ARMH4: variants seen among roughly 807,000 people sequenced by gnomAD.
The protein encoded by ARMH4 is armadillo-like helical domain-containing protein 4.
In ARMH4, 49 loss-of-function variants were observed where a neutral mutation model predicts 61.9. That is an observed-to-expected ratio of 0.79 (90% CI 0.63 to 1.00). ARMH4 has a LOEUF of 1.00. Ranked by LOEUF, ARMH4 falls within the 50% of genes least tolerant of loss-of-function variation. The pLI is 0.00. For missense variants in ARMH4, 934 were observed against 930.0 expected (o/e 1.00, Z -0.06); for synonymous variants, 368 against 341.5 (o/e 1.08, Z -0.85).
chr14:58,101,715 T>C (rs1885983004), intron 4 of ARMH4: 1 of 152,026 alleles, frequency 6.6e-6, no homozygotes. Flanking sequence ...CCCTGCCCGG[T>C]AGCATGATAG....
At chr14:58,084,237 T>C (rs74057627) in intron 5 of ARMH4, among the ~76,000 whole-genome samples, 49 of 152,238 alleles carry the variant, frequency 3.2e-4, no homozygotes, top group African/African-American at 1.1e-3. Flanking sequence ...ATTTTCCCCA[T>C]GGTTTGCCCC....
At chr14:58,068,589 A>G (rs1884780187) in intron 5 of ARMH4, among the ~76,000 whole-genome samples, 1 of 152,208 alleles carries the variant, frequency 6.6e-6, no homozygotes. Flanking sequence ...AGACAGTGAC[A>G]AGATACATTC....
intron 5 of ARMH4, 141 bp downstream of exon 5, chr14:58,096,583 C>G: frequency 1.2e-6 from 1 of 862,204 alleles, no homozygotes; most frequent in Non-Finnish European, 1.7e-6. Flanking sequence ...ATATTCTTAA[C>G]CACCCATAAA....
At chr14:58,016,606 C>T (rs747975303) in intron 5 of ARMH4, among the ~76,000 whole-genome samples, 68 of 152,274 alleles carry the variant, frequency 4.5e-4, no homozygotes, top group South Asian at 1.5e-3. Flanking sequence ...ATTCCATAAA[C>T]CTTTGCAAAC....
chr14:58,126,339 T>A (rs576497614), intron 4 of ARMH4, among the ~76,000 whole-genome samples: 2 of 152,228 alleles, frequency 1.3e-5, no homozygotes, highest in East Asian at 3.9e-4. Flanking sequence ...CTCCTGAAAT[T>A]CCCGTTATCA....
chr14:58,015,629 G>A (rs756321423), intron 5 of ARMH4, among the ~76,000 whole-genome samples: 18 of 151,658 alleles, frequency 1.2e-4, no homozygotes, highest in Non-Finnish European at 2.1e-4. Flanking sequence ...AACAGTTTTC[G>A]GTAAAACATT....
intron 5 of ARMH4, among the ~76,000 whole-genome samples, chr14:58,043,509 G>C (rs1350117999): frequency 6.6e-6 from 1 of 152,150 alleles, no homozygotes; most frequent in Non-Finnish European, 1.5e-5. Context: ...TACTGAATGG[G>C]CAAAAACTGG....
intron 4 of ARMH4, among the ~76,000 whole-genome samples, chr14:58,112,197 T>A (rs1886374856): frequency 6.6e-6 from 1 of 152,152 alleles, no homozygotes; most frequent in South Asian, 2.1e-4. Context: ...CTGGCTAACA[T>A]CATAATTAGC....
rs200368563 is a variant in ARMH4, at chr14:58,138,892, G to C, written c.467C>G (p.Thr156Ser). The stretch of plus-strand genomic sequence containing the variant: ...AAGGAGTTCCTCCTTTTCATCAACA[G>C]TCAGAGAAGGAGTCGCAGTGATAGC... The part of the protein sequence containing the change: ...TIAITATPSL[T>S]VDEKEELLTS... Residue 156 changes from threonine (T) to serine (S), a missense_variant, in exon 2 of 8, where the codon ACT becomes AGT. Physicochemically the swap from Thr to Ser is moderately conservative, Grantham distance 58 (BLOSUM62 1). Transcript: ENST00000267485. 7.4e-5 allele frequency: 120 copies of C among 1,614,046 alleles called. 1 individual carries two copies. The highest frequency in any genetic ancestry group is 1.6e-5 in the Non-Finnish European group (19 of 1,180,050).
At chr14:58,087,211 C>T (rs72716904) in intron 5 of ARMH4, among the ~76,000 whole-genome samples, 407 of 152,304 alleles carry the variant, frequency 2.7e-3, no homozygotes, top group Middle Eastern at 0.01. Flanking sequence ...TCAAAAATAA[C>T]TTCAGCTTCC....
Position 58,112,776 on chromosome 14 carries a change from A to C in ARMH4, c.1832-15795T>G, listed in dbSNP as rs116043765. Among the ~76,000 whole-genome samples, 918 of 152,232 alleles carry C rather than the reference A, an allele frequency of 6.0e-3. 11 individuals are homozygous for C. The highest frequency in any genetic ancestry group is 0.021 in the African/African-American group (856 of 41,552). On this transcript the variant is annotated intron_variant, in intron 4 of 7. Coordinates refer to ENST00000267485, the MANE Select transcript of ARMH4 (RefSeq NM_001001872.4). Reference sequence around the variant, plus strand: ...TCTAGGTTATTCGTTAATTTCTCTTAATTCATTAAAGAGATTCTCCTGTCT... The same window carrying C: ...TCTAGGTTATTCGTTAATTTCTCTTCATTCATTAAAGAGATTCTCCTGTCT...
At chr14:58,137,180 G>A (rs1044378604) in intron 2 of ARMH4, among the ~76,000 whole-genome samples, 2 of 152,034 alleles carry the variant, frequency 1.3e-5, no homozygotes, top group South Asian at 2.1e-4. Context: ...CAACCTCAGC[G>A]CTATTAACAT....
chr14:58,031,679 A>C (rs1177808810), intron 5 of ARMH4, among the ~76,000 whole-genome samples: 1 of 152,212 alleles, frequency 6.6e-6, no homozygotes, highest in Non-Finnish European at 1.5e-5. Context: ...GGCTTCCAAA[A>C]TTGTAATGCA....
At chr14:58,027,352 T>G (rs1883056641) in intron 5 of ARMH4, among the ~76,000 whole-genome samples, 1 of 152,190 alleles carries the variant, frequency 6.6e-6, no homozygotes. Flanking sequence ...CTTGTAACCC[T>G]GAGTTGGTAA....
intron 2 of ARMH4, among the ~76,000 whole-genome samples, chr14:58,136,126 T>C (rs557629942): frequency 9.3e-4 from 141 of 152,316 alleles, no homozygotes; most frequent in African/African-American, 2.9e-3. Context: ...GTTCCTACTA[T>C]GTGCCAGGAA....
intron 5 of ARMH4, among the ~76,000 whole-genome samples, chr14:58,041,398 A>C (rs1335428256): frequency 6.6e-6 from 1 of 152,188 alleles, no homozygotes; most frequent in African/African-American, 2.4e-5. Flanking sequence ...AAATGCTGAG[A>C]GATTTTCTCA....
intron 3 of ARMH4, 21 bp downstream of exon 3, chr14:58,133,069 C>T: frequency 6.2e-7 from 1 of 1,613,294 alleles, no homozygotes; most frequent in Non-Finnish European, 8.5e-7. Flanking sequence ...AAAACAGAGT[C>T]CAATATCCTC....
chr14:58,067,141 T>C (rs1174506748), intron 5 of ARMH4, among the ~76,000 whole-genome samples: 1 of 152,248 alleles, frequency 6.6e-6, no homozygotes, highest in Non-Finnish European at 1.5e-5. Flanking sequence ...CTTCATCTTT[T>C]ATCTGCTTTG....
chr14:58,012,206 G>T, intron 5 of ARMH4, 56 bp from the exon 6 acceptor site: 1 of 1,040,236 alleles, frequency 9.6e-7, no homozygotes. Flanking sequence ...TATAATTCAT[G>T]GCATTAAGTT....
Sources: gnomAD v4.1 joint callset for allele counts (sites outside exome capture counted in the v4.1 genomes callset) on GRCh38, gnomAD v4.1.1 for gene constraint, MANE v1.5 for transcripts, NCBI Gene and HGNC (gene_info 2026-07-23, HGNC 2026-07-21) for gene names.